The following ACOT9 variants were observed in gnomAD, a reference collection of about 807,000 sequenced individuals.
ACOT9 encodes the protein acyl-coenzyme A thioesterase 9, mitochondrial.
In ACOT9, 34 loss-of-function variants were observed where a neutral mutation model predicts 39.7. The ratio of observed to expected loss-of-function variants is 0.86; its 90% CI spans 0.65 to 1.14. The LOEUF (loss-of-function observed/expected upper bound fraction) is 1.14, where lower values mean the gene tolerates loss of function less well. ACOT9 is among the 50% of genes most tolerant of loss of function. The probability of loss-of-function intolerance (pLI) is 0.00; values close to 1 mark genes in which losing one functional copy is unlikely to be tolerated. For missense variants in ACOT9, 313 were observed against 344.1 expected (o/e 0.91, Z 0.71); for synonymous variants, 110 against 120.5 (o/e 0.91, Z 0.57).
At chrX:23,724,039 G>T (rs1038308532) in intron 6 of ACOT9, among the ~76,000 whole-genome samples, 1 of 111,834 alleles carries the variant, frequency 8.9e-6, no homozygotes, top group Non-Finnish European at 1.9e-5. Flanking sequence ...AAGGCAGGAA[G>T]ATCACTTGAG....
intron 10 of ACOT9, 176 bp from the exon 11 acceptor site, chrX:23,706,915 G>A: frequency 2.6e-6 from 1 of 389,266 alleles, no homozygotes; most frequent in Non-Finnish European, 4.5e-6. Context: ...AAATTATATT[G>A]GTTCAGTGTG....
Position 23,705,404 on chromosome X carries a change from C to T in ACOT9, c.1019+105G>A, listed in dbSNP as rs369756523. The stretch of plus-strand genomic sequence containing the variant: ...TATCAGTGTGGTATTCATTCAAAAA[C>T]ATAACATATTCCCACACACACCCAG... On this transcript the variant is annotated intron_variant, in intron 13 of 15. Transcript: ENST00000379303. 24 of 635,146 alleles carry T rather than the reference C, an allele frequency of 3.8e-5. No individual in the cohort carries two copies. In the East Asian group the frequency reaches 7.2e-4, roughly 19 times the overall value. The allele number at this position is 635,146 out of a possible 1,213,427, so 52.3% of individuals were successfully genotyped here.
Position 23,743,169 on chromosome X carries a change from T to A in ACOT9, c.-25A>T. On this transcript the variant is annotated 5_prime_UTR_variant, in exon 1 of 16. Transcript: ENST00000379303. ...TTGCGCTAGGCTGCCGTGCGCGCGATGGAGAACCGGGCCCCGCGCGCTAGT... is the reference window on the plus strand; with the variant it reads ...TTGCGCTAGGCTGCCGTGCGCGCGAAGGAGAACCGGGCCCCGCGCGCTAGT... 8.7e-7 allele frequency: 1 copy of A among 1,150,919 alleles called. No individual in the cohort carries two copies. Among genetic ancestry groups the A allele is most frequent in the South Asian group, 2.0e-5 (1 of 50,845 alleles). The allele number at this position is 1,150,919 out of a possible 1,213,427, so 94.8% of individuals were successfully genotyped here.
chrX:23,738,380 G>T (rs1930015863), intron 1 of ACOT9, among the ~76,000 whole-genome samples: 1 of 107,359 alleles, frequency 9.3e-6, no homozygotes, highest in African/African-American at 3.4e-5. Context: ...AGGCTGAGGT[G>T]GGTAGATCAC....
intron 8 of ACOT9, among the ~76,000 whole-genome samples, chrX:23,718,644 G>A (rs1929169545): frequency 1.8e-5 from 2 of 111,448 alleles, no homozygotes; most frequent in Admixed American, 9.6e-5. Flanking sequence ...GGTGGCTCAC[G>A]CCTGTAATCC....
At position 23,703,267 on chromosome X, in the gene ACOT9, C is replaced by T. The variant is rs1376967375; in HGVS notation, c.*627G>A. 8.9e-6 allele frequency: 1 copy of T among 111,971 alleles called. No homozygotes were observed. The highest frequency in any genetic ancestry group is 2.8e-4 in the East Asian group (1 of 3,588). 9.2% of individuals were successfully genotyped at this position (111,971 alleles called of 1,213,427 possible). On this transcript the variant is annotated 3_prime_UTR_variant, in exon 16 of 16. Coordinates refer to ENST00000379303, the MANE Select transcript of ACOT9 (RefSeq NM_001037171.2). ...ATACCCTGGCAGGAAACCTTGTATA[C>T]TGACAGTTGCAATATGTGTAAGAAA...
intron 9 of ACOT9, among the ~76,000 whole-genome samples, chrX:23,712,900 C>T (rs928216308): frequency 7.1e-5 from 8 of 112,639 alleles, no homozygotes; most frequent in African/African-American, 1.6e-4. Flanking sequence ...GGATTACAGG[C>T]GTGAGCCACC....
chrX:23,721,855 T>A (rs373123976), intron 8 of ACOT9, 26 bp downstream of exon 8: 81 of 1,149,215 alleles, frequency 7.0e-5, no homozygotes, highest in Admixed American at 1.1e-4. Flanking sequence ...ACTTAAACAG[T>A]GGACAATCTT....
At position 23,722,726 on chromosome X, in the gene ACOT9, AT is replaced by A; in HGVS notation, c.427del (p.Ile143SerfsTer11). 8.3e-7 allele frequency: 1 copy of A among 1,204,286 alleles called. No homozygotes were observed. Among genetic ancestry groups the A allele is most frequent in the South Asian group, 1.8e-5 (1 of 56,295 alleles). On this transcript the variant is annotated frameshift_variant, in exon 7 of 16. Transcript: ENST00000379303. LOFTEE classifies it high-confidence loss of function. The part of the protein sequence containing the change: ...GVLICYMHNK[I>X]HSAKMSPLSI... ...TAAAGGAGACATCTTGGCGGAGTGG[AT>A]TTTGTTGTGCATGTAACAAATAAGA...
intron 8 of ACOT9, among the ~76,000 whole-genome samples, chrX:23,717,145 C>T (rs1929111314): frequency 9.0e-6 from 1 of 110,596 alleles, no homozygotes; most frequent in African/African-American, 3.3e-5. Context: ...ATGGCCACCA[C>T]GCCCAGCCAG....
intron 8 of ACOT9, among the ~76,000 whole-genome samples, chrX:23,713,876 T>C (rs1488894818): frequency 9.1e-6 from 1 of 109,807 alleles, no homozygotes; most frequent in Non-Finnish European, 1.9e-5. Flanking sequence ...TAACTACAAA[T>C]AAAAATTAAA....
At position 23,706,666 on chromosome X, in the gene ACOT9, G is replaced by T. The variant is rs1331030548; in HGVS notation, c.804C>A (p.Thr268=). 8.3e-7 allele frequency: 1 copy of T among 1,207,515 alleles called. No individual in the cohort carries two copies. The highest frequency in any genetic ancestry group is 1.1e-6 in the Non-Finnish European group (1 of 893,193). Residue 268 remains threonine, a synonymous_variant, in exon 11 of 16, where the codon ACC becomes ACA. Coordinates refer to ENST00000379303, the MANE Select transcript of ACOT9 (RefSeq NM_001037171.2). ...LKMAPSAEER[T]TIHEMFLSTL... Reference sequence around the variant, plus strand: ...TGCTGAGAAACATCTCATGTATGGTGGTCCTCTCCTCAGCGCTGGGGGCCA... The same window carrying T: ...TGCTGAGAAACATCTCATGTATGGTTGTCCTCTCCTCAGCGCTGGGGGCCA...
At position 23,703,514 on chromosome X, in the gene ACOT9, T is replaced by C. The variant is rs916296127; in HGVS notation, c.*380A>G. 6.8e-5 allele frequency: 8 copies of C among 118,452 alleles called. No homozygotes were observed. The highest frequency in any genetic ancestry group is 8.6e-5 in the Non-Finnish European group (5 of 58,003). The allele number at this position is 118,452 out of a possible 1,213,427, so 9.8% of individuals were successfully genotyped here. A position where few individuals can be genotyped will look rare whatever the true frequency, so the allele number is the denominator to read the frequency against. On this transcript the variant is annotated 3_prime_UTR_variant, in exon 16 of 16. Coordinates refer to ENST00000379303, the MANE Select transcript of ACOT9 (RefSeq NM_001037171.2). ...TCTGTATTTTTAGTAGAGACAGGGT[T>C]TCACCATGTTGGCCAGGATGGTCTT...
rs1928507075 is a variant in ACOT9 at position 23,702,241 on chromosome X, T to C, written c.*1653A>G. On this transcript the variant is annotated 3_prime_UTR_variant, in exon 16 of 16. Transcript: ENST00000379303. The stretch of plus-strand genomic sequence containing the variant: ...CTTCCTGTCAAAAAAGGAACGGTCT[T>C]GGCTACAGATTTTTTTTTTTTTTTT... 9.9e-6 allele frequency: 1 copy of C among 101,334 alleles called. No homozygotes were observed. Among genetic ancestry groups the C allele is most frequent in the African/African-American group, 3.6e-5 (1 of 27,826 alleles). The allele number at this position is 101,334 out of a possible 1,213,427, so 8.4% of individuals were successfully genotyped here. A position where few individuals can be genotyped will look rare whatever the true frequency, so the allele number is the denominator to read the frequency against.
chrX:23,729,824 G>T (rs777886032), intron 6 of ACOT9, among the ~76,000 whole-genome samples: 40 of 110,308 alleles, frequency 3.6e-4, no homozygotes, highest in African/African-American at 1.2e-3. Flanking sequence ...GTAGAGATGG[G>T]GTTTCACCAT....
At chrX:23,732,904 G>A (rs1182336193) in intron 4 of ACOT9, among the ~76,000 whole-genome samples, 2 of 112,061 alleles carry the variant, frequency 1.8e-5, no homozygotes, top group African/African-American at 6.5e-5. Flanking sequence ...CACGTCACAA[G>A]TTTTGTTATG....
At chrX:23,731,047 G>A in intron 4 of ACOT9, 61 bp from the exon 5 acceptor site, 1 of 1,004,437 alleles carries the variant, frequency 1.0e-6, no homozygotes, top group Non-Finnish European at 1.4e-6. Context: ...AATTCCAGTG[G>A]TACACAGGCC....
At position 23,701,544 on chromosome X, in the gene ACOT9, T is replaced by C. The variant is rs974221181; in HGVS notation, c.*2350A>G. Among the ~76,000 whole-genome samples the C allele has an allele frequency of 1.9e-4, 21 of 111,274 alleles. No individual in the cohort carries two copies. Among genetic ancestry groups the C allele is most frequent in the African/African-American group, 6.8e-4 (21 of 30,675 alleles). ...AGACTGGAGTGCAGTGGCATGATCA[T>C]AGCTCACTGCAGACTCAAACTCCTG... On this transcript the variant is annotated 3_prime_UTR_variant, in exon 16 of 16. Coordinates refer to ENST00000379303, the MANE Select transcript of ACOT9 (RefSeq NM_001037171.2).
chrX:23,719,572 G>T (rs1337105520), intron 8 of ACOT9, among the ~76,000 whole-genome samples: 2 of 110,224 alleles, frequency 1.8e-5, no homozygotes, highest in Non-Finnish European at 3.8e-5. Context: ...GGGTGGGCTG[G>T]GGGGGATGGT....
Sources: gnomAD v4.1 joint callset for allele counts (sites outside exome capture counted in the v4.1 genomes callset) on GRCh38, gnomAD v4.1.1 for gene constraint, MANE v1.5 for transcripts, NCBI Gene and HGNC (gene_info 2026-07-23, HGNC 2026-07-21) for gene names.